Variants in FBLN2 observed in about 807,000 individuals in gnomAD.
FBLN2 encodes fibulin 2, also known as fibulin-2.
A neutral mutation model predicts 123.7 loss-of-function variants in FBLN2; 81 were observed. The observed-to-expected ratio is 0.65, with a 90% CI of 0.55 to 0.79. The LOEUF (loss-of-function observed/expected upper bound fraction) is 0.79. Among genes scored for constraint, FBLN2 ranks in the 30% least tolerant of loss-of-function variants. FBLN2 has a pLI of 0.00. For synonymous variants in FBLN2, 699 were observed against 701.4 expected (o/e 1.00, Z 0.05); for missense variants, 1,603 against 1,681.3 (o/e 0.95, Z 0.81).
intron 14 of FBLN2, among the ~76,000 whole-genome samples, chr3:13,630,497 T>C (rs1450735911): frequency 6.6e-6 from 1 of 152,222 alleles, no homozygotes; most frequent in Non-Finnish European, 1.5e-5. Flanking sequence ...CATTTTCTCC[T>C]GGTGAGGTGA....
chr3:13,614,635 T>TATCCATCCATCCATCCATCCATCC (rs375890094), intron 5 of FBLN2, among the ~76,000 whole-genome samples: 2 of 131,792 alleles, frequency 1.5e-5, no homozygotes, highest in African/African-American at 3.0e-5. Context: ...CCCACCCAAT[T>TATCCATCCATCCATCCATCCATCC]ATCCATCCAT....
chr3:13,577,724 C>T lies in FBLN2; in HGVS notation c.1306+6063C>T, dbSNP rs555156226. ...GAGAGAATGGGAGCAGGTGGCTGCC[C>T]CAGGTCCACAGAGCTCCGTGGCTGG... On this transcript the variant is annotated intron_variant, in intron 2 of 17. Transcript: ENST00000404922. 9.9e-5 allele frequency among the ~76,000 whole-genome samples: 15 copies of T among 152,088 alleles called. 1 individual carries two copies. The highest frequency in any genetic ancestry group is 2.0e-4 in the Admixed American group (3 of 15,286).
intron 1 of FBLN2, among the ~76,000 whole-genome samples, chr3:13,561,831 C>T (rs1405705276): frequency 1.3e-5 from 2 of 152,216 alleles, no homozygotes; most frequent in African/African-American, 2.4e-5. Flanking sequence ...AACTAAAGGA[C>T]TCTAGCTCAA....
At chr3:13,581,640 A>G (rs1327079201) in intron 2 of FBLN2, among the ~76,000 whole-genome samples, 1 of 152,104 alleles carries the variant, frequency 6.6e-6, no homozygotes, top group Non-Finnish European at 1.5e-5. Flanking sequence ...CACGAGAGTC[A>G]CTGCAGAGTC....
intron 9 of FBLN2, among the ~76,000 whole-genome samples, chr3:13,622,207 G>C (rs983030719): frequency 4.2e-4 from 64 of 152,346 alleles, no homozygotes; most frequent in African/African-American, 1.5e-3. Context: ...AAATGAGGGG[G>C]TCAGACATGC....
chr3:13,598,957 CA>C (rs764864341), intron 2 of FBLN2, among the ~76,000 whole-genome samples: 1 of 152,144 alleles, frequency 6.6e-6, no homozygotes, highest in Non-Finnish European at 1.5e-5. Flanking sequence ...GCCAGTTGGC[CA>C]AGGTAGAAGA....
intron 1 of FBLN2, among the ~76,000 whole-genome samples, chr3:13,552,475 C>T (rs1448962390): frequency 2.6e-5 from 4 of 152,138 alleles, no homozygotes; most frequent in African/African-American, 4.8e-5. Flanking sequence ...TTTCCTTCCC[C>T]AGGTCCCCGA....
rs779419449 is a variant in FBLN2 at position 13,637,907 on chromosome 3, C to T, written c.3684C>T (p.Thr1228=). Residue 1228 remains threonine (T), a synonymous_variant, in exon 18 of 18, where the codon ACC becomes ACT. Transcript: ENST00000404922. ...FLAKMHIFFT[T]FAL is the part of the protein sequence containing the mutation. ...CCAAGATGCACATCTTCTTCACCAC[C>T]TTTGCCCTGTGAGGTGCCAGCACGG... The T allele has an allele frequency of 6.3e-7, 1 of 1,587,338 alleles. No homozygotes were observed. The highest frequency in any genetic ancestry group is 8.6e-7 in the Non-Finnish European group (1 of 1,163,390).
chr3:13,633,171 C>T (rs1489816003), intron 16 of FBLN2, among the ~76,000 whole-genome samples: 2 of 152,258 alleles, frequency 1.3e-5, no homozygotes, highest in Non-Finnish European at 2.9e-5. Context: ...CCTGGCTAGC[C>T]ACTAGAGAGG....
chr3:13,580,252 A>AT (rs967313137), intron 2 of FBLN2, among the ~76,000 whole-genome samples: 2 of 151,236 alleles, frequency 1.3e-5, no homozygotes, highest in African/African-American at 2.4e-5. Flanking sequence ...TATGGATGTA[A>AT]TTTTTTTTTA....
chr3:13,577,222 CAA>C (rs34445954), intron 2 of FBLN2, among the ~76,000 whole-genome samples: 3 of 59,910 alleles, frequency 5.0e-5, no homozygotes, highest in Non-Finnish European at 1.0e-4. Context: ...GACTCCGTCT[CAA>C]AAAAAAAAAA....
At chr3:13,565,645 C>T (rs1228956546) in intron 1 of FBLN2, among the ~76,000 whole-genome samples, 3 of 152,196 alleles carry the variant, frequency 2.0e-5, no homozygotes, top group Admixed American at 6.5e-5. Flanking sequence ...ATACGTAAAG[C>T]GTTCATCTTT....
At chr3:13,564,212 C>T (rs904788869) in intron 1 of FBLN2, among the ~76,000 whole-genome samples, 10 of 151,960 alleles carry the variant, frequency 6.6e-5, no homozygotes, top group South Asian at 4.2e-4. Flanking sequence ...GACTTGGGCC[C>T]GGGGGCAGCC....
intron 1 of FBLN2, among the ~76,000 whole-genome samples, chr3:13,554,267 G>A (rs1314878279): frequency 3.9e-5 from 6 of 152,244 alleles, no homozygotes; most frequent in East Asian, 1.9e-4. Flanking sequence ...TTCTGGCCAC[G>A]GAGACACCAT....
chr3:13,573,968 C>T (rs1224096290), intron 2 of FBLN2, among the ~76,000 whole-genome samples: 2 of 151,828 alleles, frequency 1.3e-5, no homozygotes, highest in East Asian at 3.9e-4. Flanking sequence ...GAGAAGCCTG[C>T]TTCCACCACT....
At chr3:13,607,656 G>T (rs913556799) in intron 2 of FBLN2, among the ~76,000 whole-genome samples, 6 of 152,204 alleles carry the variant, frequency 3.9e-5, no homozygotes, top group African/African-American at 1.2e-4. Flanking sequence ...GAGTTGGGGG[G>T]TCTTGTGCAT....
At chr3:13,633,456 A>G (rs1469089758) in intron 16 of FBLN2, among the ~76,000 whole-genome samples, 1 of 152,262 alleles carries the variant, frequency 6.6e-6, no homozygotes, top group Non-Finnish European at 1.5e-5. Flanking sequence ...TTCCTTCTGG[A>G]AGAGCCTTCT....
chr3:13,570,000 G>A (rs568171351), intron 1 of FBLN2, among the ~76,000 whole-genome samples: 4 of 152,120 alleles, frequency 2.6e-5, no homozygotes, highest in South Asian at 2.1e-4. Flanking sequence ...GGGCACGAGG[G>A]CTCACTCAGA....
intron 2 of FBLN2, among the ~76,000 whole-genome samples, chr3:13,597,966 C>T (rs1428470156): frequency 6.6e-6 from 1 of 152,248 alleles, no homozygotes; most frequent in Admixed American, 6.5e-5. Context: ...ACCTGCGTCT[C>T]TCTTTCCACA....
Sources: gnomAD v4.1 joint callset for allele counts (sites outside exome capture counted in the v4.1 genomes callset) on GRCh38, gnomAD v4.1.1 for gene constraint, MANE v1.5 for transcripts, NCBI Gene and HGNC (gene_info 2026-07-23, HGNC 2026-07-21) for gene names.